INPP5A: variants seen among roughly 807,000 people sequenced by gnomAD.
INPP5A encodes 43 kDa inositol polyphosphate 5-phophatase.
In INPP5A, 14 loss-of-function variants were observed where a neutral mutation model predicts 65.2. The observed-to-expected ratio is 0.21, with a 90% confidence interval of 0.14 to 0.34. INPP5A has a LOEUF of 0.34. INPP5A is among the 10% of genes least tolerant of loss of function. The pLI is 1.00. For missense variants in INPP5A, 431 were observed against 545.6 expected, an observed-to-expected ratio of 0.79 and a Z score of 2.09; for synonymous variants, 207 against 208.3, an observed-to-expected ratio of 0.99 and a Z score of 0.05.
intron 5 of INPP5A, 100 bp downstream of exon 5, chr10:132,690,555 A>G: frequency 1.1e-6 from 1 of 874,018 alleles, no homozygotes; most frequent in South Asian, 1.4e-5. Flanking sequence ...GTGAGTGGCC[A>G]CTGTGGGCTG....
intron 4 of INPP5A, among the ~76,000 whole-genome samples, chr10:132,668,208 G>T (rs1043765432): frequency 1.3e-5 from 2 of 152,180 alleles, no homozygotes; most frequent in African/African-American, 4.8e-5. Flanking sequence ...GAAAATTCCA[G>T]TGGCAGATCC....
At chr10:132,770,476 G>T (rs572720356) in intron 12 of INPP5A, among the ~76,000 whole-genome samples, 14 of 152,360 alleles carry the variant, frequency 9.2e-5, no homozygotes, top group Admixed American at 9.1e-4. Context: ...GGCTCCCTGT[G>T]TCTGTGGACT....
chr10:132,665,200 C>T (rs1045579889), intron 4 of INPP5A, among the ~76,000 whole-genome samples: 7 of 152,218 alleles, frequency 4.6e-5, no homozygotes, highest in Non-Finnish European at 7.3e-5. Flanking sequence ...GGGGGACAGA[C>T]GGAGCACTTC....
At chr10:132,609,572 C>T (rs2071912491) in intron 2 of INPP5A, among the ~76,000 whole-genome samples, 1 of 152,244 alleles carries the variant, frequency 6.6e-6, no homozygotes, top group Non-Finnish European at 1.5e-5. Flanking sequence ...GCCTACACAG[C>T]TGAAATCAGA....
intron 2 of INPP5A, among the ~76,000 whole-genome samples, chr10:132,610,306 C>G (rs2071926185): frequency 6.6e-6 from 1 of 152,200 alleles, no homozygotes; most frequent in African/African-American, 2.4e-5. Flanking sequence ...TGTGCGTGGC[C>G]CCCCGAATCC....
chr10:132,567,065 T>C (rs1156471355), intron 1 of INPP5A, among the ~76,000 whole-genome samples: 2 of 152,168 alleles, frequency 1.3e-5, no homozygotes, highest in Non-Finnish European at 2.9e-5. Flanking sequence ...TCATGGACGG[T>C]GGTGTCATTT....
At chr10:132,628,021 G>A (rs1345321598) in intron 2 of INPP5A, among the ~76,000 whole-genome samples, 1 of 152,168 alleles carries the variant, frequency 6.6e-6, no homozygotes, top group Non-Finnish European at 1.5e-5. Context: ...ACAGCACAGC[G>A]CTCTGATCAG....
intron 1 of INPP5A, among the ~76,000 whole-genome samples, chr10:132,579,941 G>A (rs2071461338): frequency 7.0e-6 from 1 of 142,938 alleles, no homozygotes; most frequent in African/African-American, 2.6e-5. Flanking sequence ...TTGTAGAGAT[G>A]GAGTCTTGCT....
intron 2 of INPP5A, among the ~76,000 whole-genome samples, chr10:132,624,149 G>A (rs1255621324): frequency 2.0e-5 from 3 of 151,416 alleles, no homozygotes; most frequent in South Asian, 2.1e-4. Context: ...ACCCACGCAC[G>A]TTGCTCCTGC....
At chr10:132,552,444 A>G (rs1428554628) in intron 1 of INPP5A, among the ~76,000 whole-genome samples, 328 of 90,834 alleles carry the variant, frequency 3.6e-3, no homozygotes, top group African/African-American at 9.7e-3. Context: ...CATATTGAGT[A>G]GGATAGGGAG....
intron 1 of INPP5A, among the ~76,000 whole-genome samples, chr10:132,565,649 A>G (rs1564918170): frequency 6.6e-6 from 1 of 151,002 alleles, no homozygotes; most frequent in East Asian, 2.0e-4. Flanking sequence ...GTATATGTGT[A>G]TGTGTGTATG....
intron 1 of INPP5A, among the ~76,000 whole-genome samples, chr10:132,598,133 A>G (rs1431972979): frequency 6.6e-6 from 1 of 152,094 alleles, no homozygotes; most frequent in Non-Finnish European, 1.5e-5. Flanking sequence ...TTTTCATTTT[A>G]TATGAGGTGA....
At chr10:132,677,804 T>C (rs753287770) in intron 4 of INPP5A, among the ~76,000 whole-genome samples, 6 of 152,314 alleles carry the variant, frequency 3.9e-5, no homozygotes, top group South Asian at 4.1e-4. Context: ...GGGCTCCTAA[T>C]TGGGGACACT....
At position 132,587,788 on chromosome 10, in the gene INPP5A, AT is replaced by A. The variant is rs547799208; in HGVS notation, c.76-20125del. Among the ~76,000 whole-genome samples, 88 of 151,854 alleles carry A rather than the reference AT, an allele frequency of 5.8e-4. No homozygotes were observed. Among genetic ancestry groups the A allele is most frequent in the African/African-American group, 2.0e-3 (83 of 41,412 alleles). ...TGGGAGGCCGAGGCGAGGCGGGCAG[AT>A]TATCTGAGGCCAGGAATTCGTGACT... is the stretch of plus-strand genomic sequence containing the variant. On this transcript the variant is annotated intron_variant, in intron 1 of 15. Transcript: ENST00000368594. This position sits in a 1 kb window ranked among gnomAD's most constrained non-coding sequence, Gnocchi z 4.3.
At position 132,741,465 on chromosome 10, in the gene INPP5A, C is replaced by G. The variant is rs1419605644; in HGVS notation, c.733-8052C>G. Reference sequence around the variant, plus strand: ...AGTTAGAGCTTCCTCATCCTTGGAACCCCAGCCTGCATTGCACCCAGAAGA... The same window carrying G: ...AGTTAGAGCTTCCTCATCCTTGGAAGCCCAGCCTGCATTGCACCCAGAAGA... On this transcript the variant is annotated intron_variant, in intron 9 of 15. Transcript: ENST00000368594. The surrounding 1 kb of genome is among the most constrained non-coding windows in gnomAD (Gnocchi z 4.4). 2.6e-5 allele frequency among the ~76,000 whole-genome samples: 4 copies of G among 152,170 alleles called. No homozygotes were observed. In the East Asian group the frequency reaches 7.7e-4, roughly 29 times the overall value.
At chr10:132,594,585 G>T (rs1242634307) in intron 1 of INPP5A, among the ~76,000 whole-genome samples, 1 of 151,766 alleles carries the variant, frequency 6.6e-6, no homozygotes, top group African/African-American at 2.4e-5. Context: ...ATGCATAGGT[G>T]TGTGGTATGT....
intron 1 of INPP5A, among the ~76,000 whole-genome samples, chr10:132,563,228 C>T (rs1315436343): frequency 1.3e-5 from 2 of 152,220 alleles, no homozygotes; most frequent in African/African-American, 4.8e-5. Flanking sequence ...TGCCAGGTCC[C>T]TGCACACCCT....
chr10:132,539,541 C>G (rs1483656805), intron 1 of INPP5A, among the ~76,000 whole-genome samples: 1 of 151,968 alleles, frequency 6.6e-6, no homozygotes, highest in Non-Finnish European at 1.5e-5. Context: ...GCACTGGGAG[C>G]TCCCCAGAGG....
chr10:132,714,747 T>C (rs1388528023), intron 8 of INPP5A, among the ~76,000 whole-genome samples: 1 of 152,222 alleles, frequency 6.6e-6, no homozygotes, highest in Non-Finnish European at 1.5e-5. Context: ...AGACAAGCTC[T>C]GAGTTAAAGT....
Sources: allele counts gnomAD v4.1 joint callset (sites outside exome capture counted in the v4.1 genomes callset), GRCh38; gene constraint gnomAD v4.1.1; non-coding constraint Gnocchi (gnomAD v3.1); transcripts MANE v1.5; gene names NCBI Gene and HGNC (gene_info 2026-07-23, HGNC 2026-07-21).